Variants in FGFR1 observed in about 807,000 individuals in gnomAD.
FGFR1 encodes the protein fibroblast growth factor receptor 1, also known as FGFR1/PLAG1 fusion.
FGFR1 carries 18 observed loss-of-function variants against 93.7 expected under a neutral mutation model. That is an observed-to-expected ratio of 0.19 (90% CI 0.13 to 0.28). The LOEUF is 0.28. Ranked by LOEUF, FGFR1 falls within the 10% of genes least tolerant of loss-of-function variation. FGFR1 has a pLI of 1.00. For missense variants in FGFR1, 731 were observed against 1,080.4 expected (o/e 0.68, Z 4.53); for synonymous variants, 448 against 429.3 (o/e 1.04, Z -0.54).
chr8:38,417,847 G>T (rs767433669), intron 11 of FGFR1, 23 bp downstream of exon 11: 7 of 1,614,168 alleles, frequency 4.3e-6, no homozygotes, highest in Admixed American at 1.7e-5. Flanking sequence ...GATTTTCTTT[G>T]CAAGGACAGA....
chr8:38,414,095 A>G, intron 16 of FGFR1, 57 bp downstream of exon 16: 4 of 1,614,020 alleles, frequency 2.5e-6, no homozygotes, highest in Non-Finnish European at 3.4e-6. Flanking sequence ...CCTGCCCCTC[A>G]AGCCCACTCT....
At chr8:38,425,339 G>A (rs1291226568) in intron 6 of FGFR1, among the ~76,000 whole-genome samples, 1 of 151,948 alleles carries the variant, frequency 6.6e-6, no homozygotes, top group Admixed American at 6.6e-5. Context: ...ATAGAGACAG[G>A]GTCTCACTGT....
chr8:38,451,226 T>C (rs1409747495), intron 2 of FGFR1, among the ~76,000 whole-genome samples: 1 of 151,986 alleles, frequency 6.6e-6, no homozygotes, highest in Non-Finnish European at 1.5e-5. Context: ...CTTTTCATCA[T>C]AAGAAATCAT....
chr8:38,459,045 G>A (rs182816120), intron 1 of FGFR1: 20 of 228,718 alleles, frequency 8.7e-5, no homozygotes, highest in African/African-American at 4.0e-4. Context: ...AACAGAATCT[G>A]CAGCCCTTTA....
intron 2 of FGFR1, among the ~76,000 whole-genome samples, chr8:38,450,338 C>A (rs906572158): frequency 6.6e-6 from 1 of 152,186 alleles, no homozygotes; most frequent in Non-Finnish European, 1.5e-5. Context: ...CATTTCCAAG[C>A]CTCAGGGAAG....
At chr8:38,428,690 C>G in intron 3 of FGFR1, 2 of 530,422 alleles carry the variant, frequency 3.8e-6, no homozygotes, top group Non-Finnish European at 6.8e-6. Flanking sequence ...TCAGCTGTTC[C>G]TATTTAACTT....
chr8:38,446,949 T>G (rs1282145618), intron 2 of FGFR1, among the ~76,000 whole-genome samples: 2 of 152,134 alleles, frequency 1.3e-5, no homozygotes, highest in African/African-American at 4.8e-5. Context: ...ATGTAGGTCT[T>G]TGGCAACAGT....
intron 2 of FGFR1, among the ~76,000 whole-genome samples, chr8:38,437,881 A>G (rs923145583): frequency 9.2e-5 from 14 of 152,220 alleles, no homozygotes; most frequent in African/African-American, 3.4e-4. Context: ...GTCCCACAGC[A>G]GCCACTCTGG....
intron 2 of FGFR1, chr8:38,440,314 G>A (rs894411895): frequency 1.9e-6 from 3 of 1,604,512 alleles, no homozygotes; most frequent in African/African-American, 2.7e-5. Flanking sequence ...ACCTTCGGCT[G>A]GCAGGACCCG....
intron 2 of FGFR1, among the ~76,000 whole-genome samples, chr8:38,445,719 T>A (rs76534593): frequency 4.6e-5 from 7 of 151,200 alleles, no homozygotes; most frequent in Non-Finnish European, 8.9e-5. Context: ...TTTTTTTTTT[T>A]AATATTTTTA....
chr8:38,440,575 C>CA (rs1368018954), intron 2 of FGFR1, among the ~76,000 whole-genome samples: 3 of 137,954 alleles, frequency 2.2e-5, no homozygotes. Flanking sequence ...TGGAGAAGGG[C>CA]TTTTTTTTTT....
intron 9 of FGFR1, chr8:38,418,697 C>G: frequency 2.5e-6 from 1 of 404,002 alleles, no homozygotes; most frequent in Non-Finnish European, 4.6e-6. Flanking sequence ...AATACTTTGC[C>G]TTAGCTTATG....
chr8:38,431,891 G>GA (rs1459537765), intron 2 of FGFR1, among the ~76,000 whole-genome samples: 2 of 152,130 alleles, frequency 1.3e-5, no homozygotes, highest in Admixed American at 1.3e-4. Flanking sequence ...TTAATGGTCT[G>GA]TGGTTTTGCC....
chr8:38,460,136 T>C lies in FGFR1; in HGVS notation c.-88-2602A>G, dbSNP rs144815271. ...AGGTGGAGGTTGCAGTGAGCCGAGA[T>C]TGCATCACTGCACTCCAGCCTGGGT... On this transcript the variant is annotated intron_variant, in intron 1 of 17. Coordinates refer to ENST00000447712, the MANE Select transcript of FGFR1 (RefSeq NM_023110.3). Among the ~76,000 whole-genome samples, 25 of 152,236 alleles carry C rather than the reference T, an allele frequency of 1.6e-4. No individual in the cohort carries two copies. The East Asian group carries it at 4.3e-3, about 26-fold the overall frequency.
intron 1 of FGFR1, among the ~76,000 whole-genome samples, chr8:38,466,362 C>T (rs1251477033): frequency 1.3e-5 from 2 of 152,246 alleles, no homozygotes; most frequent in Non-Finnish European, 2.9e-5. Flanking sequence ...GAGAAAGCAA[C>T]GCTTTGGTTC....
rs1044448253 is a variant in FGFR1, at chr8:38,457,447, C to A, written c.-1G>T. Reference sequence around the variant, plus strand: ...AGAGGAGGCACTTCCAGCTCCACATCCCAGTTCTGCAGTTAGAGGTTGGTG... The same window carrying A: ...AGAGGAGGCACTTCCAGCTCCACATACCAGTTCTGCAGTTAGAGGTTGGTG... On this transcript the variant is annotated 5_prime_UTR_variant, in exon 2 of 18. Transcript: ENST00000447712. The A allele has an allele frequency of 6.2e-7, 1 of 1,613,940 alleles. No individual in the cohort carries two copies. Among genetic ancestry groups the A allele is most frequent in the African/African-American group, 1.3e-5 (1 of 74,906 alleles).
In FGFR1 at chr8:38,442,271, T is replaced by C. The variant is rs571261515; in HGVS notation, c.92-12323A>G. Among the ~76,000 whole-genome samples, 8 of 152,142 alleles carry C rather than the reference T, an allele frequency of 5.3e-5. 1 individual carries two copies. Among genetic ancestry groups the C allele is most frequent in the African/African-American group, 1.7e-4 (7 of 41,506 alleles). ...GTCTTCTCCTGCCTTTATTATAATA[T>C]AAATCACATCCTAAACTCAAAGCAA... On this transcript the variant is annotated intron_variant, in intron 2 of 17. Transcript: ENST00000447712.
At chr8:38,447,471 T>C (rs1829728006) in intron 2 of FGFR1, among the ~76,000 whole-genome samples, 1 of 152,000 alleles carries the variant, frequency 6.6e-6, no homozygotes, top group African/African-American at 2.4e-5. Context: ...ATGCAGAGTG[T>C]GGAGATGATA....
intron 9 of FGFR1, 43 bp from the exon 10 acceptor site, chr8:38,418,416 C>A (rs17182394): frequency 6.3e-7 from 1 of 1,595,260 alleles, no homozygotes. Context: ...GGAGGGGGGA[C>A]GGGGTGACTC....
Sources: allele counts gnomAD v4.1 joint callset (sites outside exome capture counted in the v4.1 genomes callset), GRCh38; gene constraint gnomAD v4.1.1; transcripts MANE v1.5; gene names NCBI Gene and HGNC (gene_info 2026-07-23, HGNC 2026-07-21).